The following NECTIN2 variants were observed in gnomAD, a reference collection of about 807,000 sequenced individuals.
NECTIN2 encodes nectin cell adhesion molecule 2.
In NECTIN2, 23 loss-of-function variants were observed where a neutral mutation model predicts 56.9. The observed-to-expected ratio is 0.40, with a 90% confidence interval of 0.29 to 0.57. The LOEUF is 0.57. Ranked by LOEUF, NECTIN2 falls within the 20% of genes least tolerant of loss-of-function variation. The probability of loss-of-function intolerance (pLI) is 0.38; values close to 1 mark genes in which losing one functional copy is unlikely to be tolerated. For synonymous variants in NECTIN2, 302 were observed against 313.8 expected (o/e 0.96, Z 0.40); for missense variants, 587 against 718.3 (o/e 0.82, Z 2.09).
At chr19:44,866,306 G>A (rs1011418372) in intron 2 of NECTIN2, among the ~76,000 whole-genome samples, 24 of 152,082 alleles carry the variant, frequency 1.6e-4, no homozygotes, top group Non-Finnish European at 2.1e-4. Context: ...TTGGGAGGCT[G>A]AGGTGGGAGG....
intron 1 of NECTIN2, among the ~76,000 whole-genome samples, chr19:44,863,838 T>C (rs1969061713): frequency 8.9e-6 from 1 of 112,256 alleles, no homozygotes; most frequent in African/African-American, 2.8e-5. Flanking sequence ...CGAGACTCAG[T>C]CTCAAAAAAA....
In NECTIN2 at chr19:44,865,146, C is replaced by G. The variant is rs529921997; in HGVS notation, c.89-125C>G. ...TGGCTTTTTTGGAATCAGGATGCTG[C>G]GAAGCTGCCTACGTTGCATGCGGAG... On this transcript the variant is annotated intron_variant, in intron 1 of 8. Transcript: ENST00000252483. The surrounding 1 kb of genome is among the most constrained non-coding windows in gnomAD (Gnocchi z 5.2). 2.8e-6 allele frequency: 3 copies of G among 1,064,460 alleles called. No homozygotes were observed. The African/African-American group carries it at 4.8e-5, about 17-fold the overall frequency. The allele number at this position is 1,064,460 out of a possible 1,614,324, so 65.9% of individuals were successfully genotyped here.
chr19:44,857,365 C>G (rs974884585), intron 1 of NECTIN2, among the ~76,000 whole-genome samples: 16 of 151,884 alleles, frequency 1.1e-4, no homozygotes, highest in African/African-American at 3.9e-4. Flanking sequence ...CCACAGCCTC[C>G]CTAGTAGCTG....
chr19:44,882,400 G>A (rs1225574609), intron 6 of NECTIN2, 36 bp downstream of exon 6: 1 of 1,359,514 alleles, frequency 7.4e-7, no homozygotes, highest in Non-Finnish European at 9.6e-7. Context: ...ATGGGAGAGG[G>A]GTCGAAGAAC....
At chr19:44,883,606 G>T (rs992176220) in intron 6 of NECTIN2, among the ~76,000 whole-genome samples, 2 of 152,112 alleles carry the variant, frequency 1.3e-5, no homozygotes, top group Non-Finnish European at 2.9e-5. Context: ...CAAGGCTCTT[G>T]TTGCTAGTGG....
chr19:44,871,433 C>T (rs1395107753), intron 2 of NECTIN2, among the ~76,000 whole-genome samples: 1 of 152,010 alleles, frequency 6.6e-6, no homozygotes, highest in African/African-American at 2.4e-5. Context: ...GAGGCCAAGG[C>T]GGGAGGATCA....
chr19:44,855,780 C>T (rs1156435110), intron 1 of NECTIN2, among the ~76,000 whole-genome samples: 4 of 152,210 alleles, frequency 2.6e-5, no homozygotes, highest in Non-Finnish European at 5.9e-5. Flanking sequence ...GCACCTACTA[C>T]ATGCTAGGCC....
chr19:44,863,132 G>C (rs570472770), intron 1 of NECTIN2, among the ~76,000 whole-genome samples: 4 of 151,564 alleles, frequency 2.6e-5, no homozygotes, highest in African/African-American at 9.7e-5. Context: ...ACTGCACTCC[G>C]GCCTGGGCAA....
At position 44,846,500 on chromosome 19, in the gene NECTIN2, G is replaced by C. The variant is rs762109189; in HGVS notation, c.-26G>C. 8.3e-6 allele frequency: 12 copies of C among 1,444,398 alleles called. No individual in the cohort carries two copies. The South Asian group carries it at 1.7e-4, about 20-fold the overall frequency. 89.5% of individuals were successfully genotyped at this position (1,444,398 alleles called of 1,614,324 possible). ...CAGAGTGGCCCGCGGGCCTCCGGCC[G>C]GGCCCAGTCCCCTCCCGGGCCCTCC... On this transcript the variant is annotated 5_prime_UTR_variant, in exon 1 of 9. Coordinates refer to ENST00000252483, the MANE Select transcript of NECTIN2 (RefSeq NM_001042724.2).
intron 2 of NECTIN2, among the ~76,000 whole-genome samples, chr19:44,869,093 C>T (rs1000936474): frequency 1.2e-4 from 18 of 151,946 alleles, no homozygotes; most frequent in Admixed American, 9.2e-4. Flanking sequence ...AAACCACAGC[C>T]GTTTTCCATA....
chr19:44,864,825 C>A (rs520283), intron 1 of NECTIN2, among the ~76,000 whole-genome samples: 49,903 of 151,138 alleles, frequency 0.33, 9,136 homozygotes, highest in Non-Finnish European at 0.39. Context: ...AAGACTCCGT[C>A]TCAAAAAAAA....
At chr19:44,883,996 G>A (rs1010651791) in intron 6 of NECTIN2, among the ~76,000 whole-genome samples, 4 of 151,610 alleles carry the variant, frequency 2.6e-5, no homozygotes, top group Non-Finnish European at 4.4e-5. Context: ...GCCCATGCCT[G>A]TAGTCCCAGC....
At chr19:44,846,637 G>C in intron 1 of NECTIN2, 24 bp downstream of exon 1, 1 of 1,519,244 alleles carries the variant, frequency 6.6e-7, no homozygotes, top group Non-Finnish European at 8.8e-7. Context: ...ACGGCCCCCT[G>C]CCCTCGCGCG....
Position 44,882,243 on chromosome 19 carries a change from G to A in NECTIN2, c.1075G>A (p.Gly359Ser), listed in dbSNP as rs779920811. 5 of 1,539,426 alleles carry A rather than the reference G, an allele frequency of 3.2e-6. No individual in the cohort carries two copies. In the Admixed American group the frequency reaches 9.6e-5, roughly 30 times the overall value. ...CAACACAGCAGGCGCAGGGGCCACA[G>A]GCGGCATCATCGGGGGCATCATCGC... ...TPNTAGAGAT[G>S]GIIGGIIAAI... The change falls in exon 6 of 9, where the codon GGC (glycine) becomes AGC (serine). Residue 359 changes from glycine to serine, a missense_variant. Physicochemically the swap from Gly to Ser is moderately conservative, Grantham distance 56. Transcript: ENST00000252483.
chr19:44,856,138 T>C (rs146810699), intron 1 of NECTIN2, among the ~76,000 whole-genome samples: 2 of 152,160 alleles, frequency 1.3e-5, no homozygotes, highest in Non-Finnish European at 2.9e-5. Flanking sequence ...CTGTCTCTAC[T>C]CAAAATACAA....
At chr19:44,849,112 A>G (rs976280419) in intron 1 of NECTIN2, among the ~76,000 whole-genome samples, 1 of 152,132 alleles carries the variant, frequency 6.6e-6, no homozygotes, top group Non-Finnish European at 1.5e-5. Context: ...ACAGAGGCCA[A>G]TAGAGGGAAG....
Position 44,888,891 on chromosome 19 carries a change from A to C in NECTIN2, c.*512A>C, listed in dbSNP as rs1969390245. The C allele has an allele frequency of 6.4e-6, 1 of 156,818 alleles. No individual in the cohort carries two copies. 9.7% of individuals were successfully genotyped at this position (156,818 alleles called of 1,614,324 possible). Reference sequence around the variant, plus strand: ...AAGAGGGGATTCCCCAGCCCAAGGCAGGGTTTTCCCAGCACCCTCCTGTAA... The same window carrying C: ...AAGAGGGGATTCCCCAGCCCAAGGCCGGGTTTTCCCAGCACCCTCCTGTAA... On this transcript the variant is annotated 3_prime_UTR_variant, in exon 9 of 9. Transcript: ENST00000252483.
rs1019963172 is a variant in NECTIN2 at position 44,875,171 on chromosome 19, G to T, written c.1042+693G>T. On this transcript the variant is annotated intron_variant, in intron 5 of 8. Transcript: ENST00000252483. The surrounding 1 kb of genome is among the most constrained non-coding windows in gnomAD (Gnocchi z 4.2). The stretch of plus-strand genomic sequence containing the variant: ...ACTCACCTGGATGGTAACCCTGCAC[G>T]CTCAAACCCATTGTCACCAAGACAC... Among the ~76,000 whole-genome samples, 5 of 152,034 alleles carry T rather than the reference G, an allele frequency of 3.3e-5. No homozygotes were observed. Among genetic ancestry groups the T allele is most frequent in the South Asian group, 2.1e-4 (1 of 4,824 alleles).
chr19:44,886,152 T>C lies in NECTIN2; in HGVS notation c.1280T>C (p.Leu427Pro), dbSNP rs1213180229. 6.2e-7 allele frequency: 1 copy of C among 1,613,092 alleles called. No homozygotes were observed. Among genetic ancestry groups the C allele is most frequent in the Admixed American group, 1.7e-5 (1 of 59,978 alleles). The change falls in exon 8 of 9, where the codon CTG (leucine) becomes CCG (proline). Residue 427 changes from leucine to proline, a missense_variant. Transcript: ENST00000252483. ...AQEMPSQLFTLGASEHSPLKT... is the reference protein window; with the variant it reads ...AQEMPSQLFTPGASEHSPLKT... ...CTACAGCCCTCCCAGCTCTTCACTC[T>C]GGGGGCCTCGGAGCACAGCCCACTC...
Sources: allele counts gnomAD v4.1 joint callset (sites outside exome capture counted in the v4.1 genomes callset), GRCh38; gene constraint gnomAD v4.1.1; non-coding constraint Gnocchi (gnomAD v3.1); transcripts MANE v1.5; gene names NCBI Gene and HGNC (gene_info 2026-07-23, HGNC 2026-07-21).